Variants in DCC observed in about 807,000 individuals in gnomAD.
DCC encodes the protein netrin receptor DCC.
In DCC, 58 loss-of-function variants were observed where a neutral mutation model predicts 172.5. That is an observed-to-expected ratio of 0.34 (90% CI 0.27 to 0.42). DCC has a LOEUF of 0.42. DCC is among the 10% of genes least tolerant of loss of function. The probability of loss-of-function intolerance (pLI) is 1.00; values close to 1 mark genes in which losing one functional copy is unlikely to be tolerated. For synonymous variants in DCC, 709 were observed against 644.5 expected (o/e 1.10, Z -1.52); for missense variants, 1,740 against 1,791.0 (o/e 0.97, Z 0.51).
chr18:52,595,930 G>T (rs11660928), intron 1 of DCC, among the ~76,000 whole-genome samples: 13,887 of 152,144 alleles, frequency 0.091, 1,113 homozygotes, highest in East Asian at 0.39. Flanking sequence ...CCAAGACATG[G>T]TTTTTTCCTT....
At chr18:53,406,320 T>C (rs1419231098) in intron 19 of DCC, among the ~76,000 whole-genome samples, 1 of 152,136 alleles carries the variant, frequency 6.6e-6, no homozygotes, top group Non-Finnish European at 1.5e-5. Flanking sequence ...CACTTGATAT[T>C]GCTTTCCAGA....
intron 2 of DCC, among the ~76,000 whole-genome samples, chr18:52,782,584 C>G (rs2037567486): frequency 6.6e-6 from 1 of 152,094 alleles, no homozygotes; most frequent in Admixed American, 6.6e-5. Context: ...CAAGGACTTG[C>G]ATTCAATCCC....
chr18:53,370,017 A>T (rs951785898), intron 15 of DCC, among the ~76,000 whole-genome samples: 6 of 151,792 alleles, frequency 4.0e-5, no homozygotes, highest in African/African-American at 1.4e-4. Flanking sequence ...TTTTTGAAAG[A>T]TTTTAAAAAG....
chr18:53,178,402 C>T (rs189040884), intron 8 of DCC, among the ~76,000 whole-genome samples: 5 of 152,276 alleles, frequency 3.3e-5, no homozygotes, highest in Admixed American at 6.5e-5. Flanking sequence ...TTTCTCTTCA[C>T]GCAGGAAGGA....
rs2037819589 is a variant in DCC, at chr18:52,793,751, A to G, written c.412+41377A>G. Among the ~76,000 whole-genome samples, 3 of 152,162 alleles carry G rather than the reference A, an allele frequency of 2.0e-5. No individual in the cohort carries two copies. In the South Asian group the frequency reaches 6.2e-4, roughly 31 times the overall value. Reference sequence around the variant, plus strand: ...TGAAGCATTTCTCATATTTTCTTCCAGTAGTTCTATGTTTTTGAGTCTTAT... The same window carrying G: ...TGAAGCATTTCTCATATTTTCTTCCGGTAGTTCTATGTTTTTGAGTCTTAT... On this transcript the variant is annotated intron_variant, in intron 2 of 28. Transcript: ENST00000442544.
At chr18:52,424,442 G>A (rs1053780250) in intron 1 of DCC, among the ~76,000 whole-genome samples, 13 of 152,260 alleles carry the variant, frequency 8.5e-5, no homozygotes, top group Non-Finnish European at 1.5e-4. Flanking sequence ...GACAAAGTTC[G>A]TAGGGGAAGC....
chr18:53,446,982 C>T (rs1411482695), intron 22 of DCC, among the ~76,000 whole-genome samples: 1 of 152,130 alleles, frequency 6.6e-6, no homozygotes, highest in Non-Finnish European at 1.5e-5. Context: ...TTTTGAAAAG[C>T]TTTGCTCAGG....
chr18:52,377,245 A>G (rs1985388361), intron 1 of DCC, among the ~76,000 whole-genome samples: 1 of 152,142 alleles, frequency 6.6e-6, no homozygotes, highest in East Asian at 1.9e-4. Flanking sequence ...GAAGAGAGGA[A>G]CCAGCCTACA....
intron 2 of DCC, among the ~76,000 whole-genome samples, chr18:52,903,429 A>C (rs2145442242): frequency 6.6e-6 from 1 of 151,508 alleles, no homozygotes; most frequent in Non-Finnish European, 1.5e-5. Flanking sequence ...CTGGTCTCAA[A>C]CTCCTGTGCT....
intron 15 of DCC, among the ~76,000 whole-genome samples, chr18:53,385,003 T>C (rs1183442905): frequency 2.4e-4 from 36 of 148,058 alleles, no homozygotes; most frequent in African/African-American, 8.5e-4. Context: ...CCCGCCACAG[T>C]GCCCGGCTAA....
intron 7 of DCC, among the ~76,000 whole-genome samples, chr18:53,137,576 G>A (rs2144338679): frequency 6.6e-6 from 1 of 152,198 alleles, no homozygotes; most frequent in Middle Eastern, 3.4e-3. Flanking sequence ...GAGAGTAACT[G>A]TTTTATAAAT....
intron 11 of DCC, among the ~76,000 whole-genome samples, chr18:53,212,839 T>A (rs1380262226): frequency 1.3e-5 from 2 of 151,856 alleles, no homozygotes; most frequent in East Asian, 3.9e-4. Context: ...CCAGGCTAAT[T>A]TTTTGTATTT....
At chr18:53,047,262 A>AAT (rs1287117056) in intron 5 of DCC, among the ~76,000 whole-genome samples, 3 of 13,252 alleles carry the variant, frequency 2.3e-4, no homozygotes, top group African/African-American at 6.3e-4. Flanking sequence ...ATATATATAT[A>AAT]TATATATATA....
Position 52,927,363 on chromosome 18 carries a change from A to C in DCC, c.985+1993A>C, listed in dbSNP as rs150194541. ...TTACAAAATAGATGCTGTTTGATAC[A>C]TATAAAACTATCCAAAGATGCACAA... On this transcript the variant is annotated intron_variant, in intron 5 of 28. Transcript: ENST00000442544. 6.6e-3 allele frequency among the ~76,000 whole-genome samples: 1,006 copies of C among 151,646 alleles called. 4 individuals carry two copies. The highest frequency in any genetic ancestry group is 0.01 in the Non-Finnish European group (710 of 67,766).
At chr18:53,494,777 A>C (rs1272969767) in intron 26 of DCC, among the ~76,000 whole-genome samples, 1 of 150,720 alleles carries the variant, frequency 6.6e-6, no homozygotes, top group Non-Finnish European at 1.5e-5. Context: ...TTGCCACTCT[A>C]ATTGGAGAAT....
At position 53,215,615 on chromosome 18, in the gene DCC, T is replaced by C. The variant is rs1290910102; in HGVS notation, c.1911+18T>C. The C allele has an allele frequency of 1.3e-6, 2 of 1,599,220 alleles. No homozygotes were observed. Among genetic ancestry groups the C allele is most frequent in the Non-Finnish European group, 1.7e-6 (2 of 1,166,646 alleles). Reference sequence around the variant, plus strand: ...ATTCAAGAGTAAGTTGGCTAAATGTTCACTACTCCATTACCTATCAAGATT... The same window carrying C: ...ATTCAAGAGTAAGTTGGCTAAATGTCCACTACTCCATTACCTATCAAGATT... On this transcript the variant is annotated intron_variant, in intron 12 of 28. Coordinates refer to ENST00000442544, the MANE Select transcript of DCC (RefSeq NM_005215.4).
intron 5 of DCC, among the ~76,000 whole-genome samples, chr18:53,018,859 A>G (rs1214135995): frequency 1.3e-5 from 2 of 152,188 alleles, no homozygotes; most frequent in Non-Finnish European, 1.5e-5. Flanking sequence ...ATCTTTATAT[A>G]TAATCTTGTT....
intron 1 of DCC, among the ~76,000 whole-genome samples, chr18:52,603,591 TACACAC>T (rs10553153): frequency 3.2e-4 from 47 of 144,690 alleles, no homozygotes; most frequent in Middle Eastern, 3.5e-3. Context: ...GTGAAGTTAA[TACACAC>T]ACACACACAC....
At chr18:52,722,700 C>T (rs993040087) in intron 1 of DCC, among the ~76,000 whole-genome samples, 1 of 152,122 alleles carries the variant, frequency 6.6e-6, no homozygotes, top group Non-Finnish European at 1.5e-5. Flanking sequence ...CTCAGAGACT[C>T]CTGACCTGCC....
Sources: allele counts gnomAD v4.1 joint callset (sites outside exome capture counted in the v4.1 genomes callset), GRCh38; gene constraint gnomAD v4.1.1; transcripts MANE v1.5; gene names NCBI Gene and HGNC (gene_info 2026-07-23, HGNC 2026-07-21).